The following FYB2 variants were observed in gnomAD, a reference collection of about 807,000 sequenced individuals.
FYB2 encodes the protein FYN binding protein 2.
Under a neutral mutation model 94.1 loss-of-function variants are expected in FYB2, and 103 were observed. That is an observed-to-expected ratio of 1.09 (90% CI 0.93 to 1.29). FYB2 has a LOEUF of 1.29. FYB2 is among the 50% of genes most tolerant of loss of function. The probability of loss-of-function intolerance (pLI) is 0.00; values close to 1 mark genes in which losing one functional copy is unlikely to be tolerated. For missense variants in FYB2, 896 were observed against 841.5 expected, an observed-to-expected ratio of 1.06 and a Z score of -0.80; for synonymous variants, 293 against 287.9, an observed-to-expected ratio of 1.02 and a Z score of -0.18.
At chr1:56,774,823 T>C (rs901227706) in intron 4 of FYB2, among the ~76,000 whole-genome samples, 1 of 152,104 alleles carries the variant, frequency 6.6e-6, no homozygotes, top group Non-Finnish European at 1.5e-5. Context: ...CAGCTGCTAG[T>C]GCAACTAGAA....
intron 1 of FYB2, among the ~76,000 whole-genome samples, chr1:56,805,281 C>T (rs953386434): frequency 6.6e-5 from 10 of 152,174 alleles, no homozygotes; most frequent in East Asian, 3.9e-4. Flanking sequence ...AGTAGATGGA[C>T]GATACGTGTC....
chr1:56,724,205 G>T (rs1416679927), intron 16 of FYB2, among the ~76,000 whole-genome samples: 1 of 151,950 alleles, frequency 6.6e-6, no homozygotes, highest in Non-Finnish European at 1.5e-5. Context: ...AAGTCTACAT[G>T]GTTCAATCGA....
intron 5 of FYB2, among the ~76,000 whole-genome samples, chr1:56,759,301 T>C (rs1570034161): frequency 6.6e-6 from 1 of 152,158 alleles, no homozygotes; most frequent in African/African-American, 2.4e-5. Flanking sequence ...CGCTTAACAA[T>C]GGGGATCTGT....
At chr1:56,729,422 C>T (rs1401025687) in intron 15 of FYB2, among the ~76,000 whole-genome samples, 1 of 152,078 alleles carries the variant, frequency 6.6e-6, no homozygotes, top group African/African-American at 2.4e-5. Flanking sequence ...GCCTGAGCAA[C>T]TGTGTGTTTA....
chr1:56,739,967 C>T (rs2100599592), intron 13 of FYB2, among the ~76,000 whole-genome samples: 1 of 152,152 alleles, frequency 6.6e-6, no homozygotes, highest in African/African-American at 2.4e-5. Context: ...ATATCTACAT[C>T]TATATCTATC....
At chr1:56,761,918 T>C (rs908009826) in intron 5 of FYB2, 2 of 152,212 alleles carry the variant, frequency 1.3e-5, no homozygotes, top group African/African-American at 4.8e-5. Context: ...GGTGTGAGAC[T>C]TAAGCCAAAG....
chr1:56,790,605 C>T (rs1646238493), intron 2 of FYB2, among the ~76,000 whole-genome samples: 1 of 152,158 alleles, frequency 6.6e-6, no homozygotes, highest in Non-Finnish European at 1.5e-5. Context: ...TATTTATTTA[C>T]TATATTCCAG....
chr1:56,731,905 G>T (rs1569881294), intron 15 of FYB2: 1 of 152,196 alleles, frequency 6.6e-6, no homozygotes, highest in South Asian at 2.1e-4. Flanking sequence ...ACAGGGAAAA[G>T]CTTCCAGCTT....
intron 1 of FYB2, among the ~76,000 whole-genome samples, chr1:56,809,654 T>C (rs1449494660): frequency 1.3e-5 from 2 of 152,226 alleles, no homozygotes; most frequent in Non-Finnish European, 2.9e-5. Flanking sequence ...CCACTCCCTG[T>C]GCTCCTAGAG....
chr1:56,790,993 T>C (rs879820906), intron 2 of FYB2, among the ~76,000 whole-genome samples: 1 of 152,136 alleles, frequency 6.6e-6, no homozygotes, highest in Non-Finnish European at 1.5e-5. Flanking sequence ...GTGTTGACTA[T>C]GGGCAGAGAG....
intron 1 of FYB2, among the ~76,000 whole-genome samples, chr1:56,795,540 T>A (rs560477032): frequency 6.6e-6 from 1 of 152,308 alleles, no homozygotes; most frequent in South Asian, 2.1e-4. Context: ...TTTTTAATTT[T>A]TGAGGAGCCT....
At chr1:56,766,427 ATTTCTTTTTT>A (rs1347080097) in intron 5 of FYB2, among the ~76,000 whole-genome samples, 3 of 151,068 alleles carry the variant, frequency 2.0e-5, no homozygotes, top group Non-Finnish European at 4.4e-5. Flanking sequence ...CCAACCCCTT[ATTTCTTTTTT>A]TTTCTTTTTT....
At chr1:56,734,904 T>C (rs192909863) in intron 15 of FYB2, among the ~76,000 whole-genome samples, 142 of 151,864 alleles carry the variant, frequency 9.4e-4, no homozygotes, top group African/African-American at 3.4e-3. Context: ...AAAACCACAA[T>C]GAGGTATCAT....
At chr1:56,763,307 T>A (rs895093632) in intron 5 of FYB2, among the ~76,000 whole-genome samples, 1 of 152,200 alleles carries the variant, frequency 6.6e-6, no homozygotes, top group Admixed American at 6.5e-5. Flanking sequence ...CCTCCATTTT[T>A]GGGAAAGATT....
chr1:56,775,342 A>T (rs1645851862), intron 4 of FYB2, among the ~76,000 whole-genome samples: 1 of 152,164 alleles, frequency 6.6e-6, no homozygotes, highest in African/African-American at 2.4e-5. Context: ...ATCACCAAGT[A>T]AATGTTATTA....
Position 56,811,891 on chromosome 1 carries a change from T to C in FYB2, c.9+7391A>G, listed in dbSNP as rs1243238476. Among the ~76,000 whole-genome samples, 3 of 152,290 alleles carry C rather than the reference T, an allele frequency of 2.0e-5. No individual in the cohort carries two copies. In the South Asian group the frequency reaches 6.2e-4, roughly 32 times the overall value. The stretch of plus-strand genomic sequence containing the variant: ...AAGTGATAATGCTGCTTTGTTTTTC[T>C]ACATCGACTTTTCAGTTGTTAAAAA... On this transcript the variant is annotated intron_variant, in intron 1 of 19. Transcript: ENST00000343433.
chr1:56,765,284 T>C (rs890136501), intron 5 of FYB2, among the ~76,000 whole-genome samples: 2 of 152,234 alleles, frequency 1.3e-5, no homozygotes, highest in Non-Finnish European at 2.9e-5. Context: ...AGGTCTCCTC[T>C]GACACCATCC....
chr1:56,763,584 G>T (rs1645551342), intron 5 of FYB2, among the ~76,000 whole-genome samples: 1 of 152,034 alleles, frequency 6.6e-6, no homozygotes, highest in Non-Finnish European at 1.5e-5. Flanking sequence ...TATCTACAGA[G>T]TCTATAATGA....
chr1:56,730,063 G>A (rs533281693), intron 15 of FYB2, among the ~76,000 whole-genome samples: 42 of 151,782 alleles, frequency 2.8e-4, no homozygotes, highest in African/African-American at 9.9e-4. Flanking sequence ...AGCAATAAAT[G>A]CCTACATCAA....
Sources: gnomAD v4.1 joint callset for allele counts (sites outside exome capture counted in the v4.1 genomes callset) on GRCh38, gnomAD v4.1.1 for gene constraint, MANE v1.5 for transcripts, NCBI Gene and HGNC (gene_info 2026-07-23, HGNC 2026-07-21) for gene names.